Variants in SEZ6L observed in about 807,000 individuals in gnomAD.
SEZ6L encodes seizure 6-like protein.
In SEZ6L, 37 loss-of-function variants were observed where a neutral mutation model predicts 106.2. The observed-to-expected ratio is 0.35, with a 90% CI of 0.27 to 0.46. The LOEUF is 0.46. Among genes scored for constraint, SEZ6L ranks in the 20% least tolerant of loss-of-function variants. The pLI is 1.00. For synonymous variants in SEZ6L, 541 were observed against 570.4 expected, an observed-to-expected ratio of 0.95 and a Z score of 0.73; for missense variants, 1,172 against 1,332.8, an observed-to-expected ratio of 0.88 and a Z score of 1.88.
chr22:26,270,130 C>G (rs780122251), intron 1 of SEZ6L, among the ~76,000 whole-genome samples: 15 of 152,134 alleles, frequency 9.9e-5, no homozygotes, highest in Non-Finnish European at 1.5e-4. Context: ...GTTTTCATAT[C>G]TATAAAATGG....
chr22:26,246,439 C>T (rs2079348431), intron 1 of SEZ6L, among the ~76,000 whole-genome samples: 1 of 152,046 alleles, frequency 6.6e-6, no homozygotes, highest in Admixed American at 6.6e-5. Context: ...TTTCTAATCC[C>T]AAGACCCTCT....
chr22:26,344,975 A>T (rs2082960094), intron 10 of SEZ6L, among the ~76,000 whole-genome samples: 1 of 152,242 alleles, frequency 6.6e-6, no homozygotes, highest in African/African-American at 2.4e-5. Context: ...TAGTAAAGTT[A>T]ACAAGGGCCC....
At chr22:26,217,385 C>T (rs2078328720) in intron 1 of SEZ6L, among the ~76,000 whole-genome samples, 1 of 152,208 alleles carries the variant, frequency 6.6e-6, no homozygotes, top group Admixed American at 6.5e-5. Flanking sequence ...CCACACTGAT[C>T]TTCTTGTGGC....
intron 5 of SEZ6L, among the ~76,000 whole-genome samples, chr22:26,300,442 A>C (rs1378092383): frequency 6.6e-6 from 1 of 152,098 alleles, no homozygotes; most frequent in Non-Finnish European, 1.5e-5. Flanking sequence ...GCTGAGAATG[A>C]TGGTTTCCAG....
chr22:26,257,109 G>A (rs1015554821), intron 1 of SEZ6L, among the ~76,000 whole-genome samples: 2 of 152,104 alleles, frequency 1.3e-5, no homozygotes, highest in Non-Finnish European at 2.9e-5. Context: ...GTTACTGCTG[G>A]CATCTAGAGG....
chr22:26,379,367 A>G (rs2084338582), intron 16 of SEZ6L, among the ~76,000 whole-genome samples: 1 of 152,168 alleles, frequency 6.6e-6, no homozygotes, highest in Admixed American at 6.5e-5. Context: ...CACAGGCTTT[A>G]CCCACCCTTA....
At chr22:26,217,500 C>G (rs1010773604) in intron 1 of SEZ6L, among the ~76,000 whole-genome samples, 1 of 152,246 alleles carries the variant, frequency 6.6e-6, no homozygotes, top group Non-Finnish European at 1.5e-5. Context: ...CTCTTTCAGA[C>G]CTCAGTGTAA....
intron 10 of SEZ6L, among the ~76,000 whole-genome samples, chr22:26,347,249 A>G (rs1290059625): frequency 6.6e-6 from 1 of 151,102 alleles, no homozygotes; most frequent in African/African-American, 2.5e-5. Flanking sequence ...ATAATAAATG[A>G]AAAGCAAAAG....
chr22:26,353,229 G>A (rs2083333958), intron 12 of SEZ6L, among the ~76,000 whole-genome samples: 1 of 152,086 alleles, frequency 6.6e-6, no homozygotes, highest in Admixed American at 6.5e-5. Flanking sequence ...AAATGCAACT[G>A]CCCCCATTGT....
At position 26,369,937 on chromosome 22, in the gene SEZ6L, C is replaced by G. The variant is rs573452042; in HGVS notation, c.2795-3514C>G. ...CGACCTGAATTTATTTTTGATAGCA[C>G]AGGAAACCTGCTTTGCAGAGCTTAA... On this transcript the variant is annotated intron_variant, in intron 13 of 16. Coordinates refer to ENST00000248933, the MANE Select transcript of SEZ6L (RefSeq NM_021115.5). 4.7e-4 allele frequency among the ~76,000 whole-genome samples: 72 copies of G among 151,756 alleles called. 3 individuals carry two copies. The South Asian group carries it at 0.014, about 29-fold the overall frequency.
intron 10 of SEZ6L, among the ~76,000 whole-genome samples, chr22:26,341,514 T>C (rs2082835758): frequency 1.3e-5 from 2 of 152,190 alleles, no homozygotes; most frequent in Admixed American, 1.3e-4. Context: ...TTAGTTCCCA[T>C]GGATTTAAAC....
intron 1 of SEZ6L, chr22:26,254,175 A>G (rs1056310096): frequency 6.6e-5 from 10 of 152,350 alleles, no homozygotes; most frequent in African/African-American, 2.4e-4. Flanking sequence ...AAGACCCCTT[A>G]GGAAAGCAAC....
At chr22:26,283,788 G>A (rs1159747949) in intron 1 of SEZ6L, among the ~76,000 whole-genome samples, 1 of 152,148 alleles carries the variant, frequency 6.6e-6, no homozygotes, top group Non-Finnish European at 1.5e-5. Context: ...TCATTCCAGG[G>A]GGTGGAGAAG....
chr22:26,266,870 CAATGAATG>C (rs1186624009), intron 1 of SEZ6L, among the ~76,000 whole-genome samples: 1 of 151,872 alleles, frequency 6.6e-6, no homozygotes, highest in Non-Finnish European at 1.5e-5. Flanking sequence ...AAGGTGAAAG[CAATGAATG>C]AATGAATGCA....
chr22:26,261,750 T>C (rs897085862), intron 1 of SEZ6L, among the ~76,000 whole-genome samples: 1 of 152,182 alleles, frequency 6.6e-6, no homozygotes, highest in African/African-American at 2.4e-5. Flanking sequence ...AGGTCTCTCC[T>C]TTGAAAGAAT....
chr22:26,293,566 A>G (rs904527472), intron 2 of SEZ6L, among the ~76,000 whole-genome samples: 2 of 152,122 alleles, frequency 1.3e-5, no homozygotes, highest in African/African-American at 4.8e-5. Context: ...GGCTCAAGCA[A>G]TCCTCCCACC....
intron 1 of SEZ6L, among the ~76,000 whole-genome samples, chr22:26,206,631 A>C (rs1941286626): frequency 6.6e-6 from 1 of 152,232 alleles, no homozygotes; most frequent in Non-Finnish European, 1.5e-5. Flanking sequence ...TAAAAATCCC[A>C]AAAAGCACAG....
At chr22:26,220,595 G>C (rs904355894) in intron 1 of SEZ6L, among the ~76,000 whole-genome samples, 3 of 152,146 alleles carry the variant, frequency 2.0e-5, no homozygotes, top group African/African-American at 7.2e-5. Context: ...TGATGAGACA[G>C]GTGCTACACA....
chr22:26,196,611 G>A (rs931278379), intron 1 of SEZ6L, among the ~76,000 whole-genome samples: 1 of 152,194 alleles, frequency 6.6e-6, no homozygotes, highest in Non-Finnish European at 1.5e-5. Flanking sequence ...ATTGTGTGAT[G>A]GGTCTGAGCT....
Sources: allele counts gnomAD v4.1 joint callset (sites outside exome capture counted in the v4.1 genomes callset), GRCh38; gene constraint gnomAD v4.1.1; transcripts MANE v1.5; gene names NCBI Gene and HGNC (gene_info 2026-07-23, HGNC 2026-07-21).